The following SMARCC2 variants were observed in gnomAD, a reference collection of about 807,000 sequenced individuals.
SMARCC2 encodes the protein SWI/SNF complex subunit SMARCC2.
Under a neutral mutation model 151.3 loss-of-function variants are expected in SMARCC2, and 15 were observed. That is an observed-to-expected ratio of 0.10 (90% CI 0.07 to 0.15). The LOEUF (loss-of-function observed/expected upper bound fraction) is 0.15, where lower values mean the gene tolerates loss of function less well. Among genes scored for constraint, SMARCC2 ranks in the 10% least tolerant of loss-of-function variants. The pLI, the probability that SMARCC2 is intolerant of heterozygous loss-of-function variation, is 1.00. For missense variants in SMARCC2, 1,031 were observed against 1,599.7 expected (o/e 0.64, Z 6.06); for synonymous variants, 590 against 609.5 (o/e 0.97, Z 0.47).
In SMARCC2 at chr12:56,165,554, C is replaced by T. The variant is rs375680722; in HGVS notation, c.2996G>A (p.Gly999Asp). ...QQQPPPALPP[G>D]SQPIPPTGAA... is the part of the protein sequence containing the mutation. ...CCCTGTTGGGGGGATAGGCTGGGAG[C>T]CTGGGGGCAGGGCTGGTGGTGGCTG... The change falls in exon 27 of 29, where the codon GGC becomes GAC. Residue 999 changes from glycine (G) to aspartate (D), a missense_variant. By Grantham distance (94) the Gly-to-Asp change is moderately conservative. Transcript: ENST00000550164. 1 of 1,612,654 alleles carries T rather than the reference C, an allele frequency of 6.2e-7. No individual in the cohort carries two copies. The highest frequency in any genetic ancestry group is 8.5e-7 in the Non-Finnish European group (1 of 1,179,726).
rs552625436 is a variant in SMARCC2 at position 56,178,406 on chromosome 12, A to G, written c.1308T>C (p.Asn436=). The change falls in exon 14 of 29, where the codon AAT becomes AAC. Residue 436 remains asparagine, a splice_region_variant and synonymous_variant. Transcript: ENST00000550164. ...TGAGAAGTTGGGGACAACCATACCT[A>G]TTGTAGTCAAACCAGGCAGCGTAGC... ...IPSYAAWFDY[N]SVHAIERRAL... The G allele has an allele frequency of 2.0e-5, 32 of 1,614,244 alleles. No individual in the cohort carries two copies. In the South Asian group the frequency reaches 3.0e-4, roughly 15 times the overall value.
rs984393551 is a variant in SMARCC2 at position 56,172,758 on chromosome 12, G to T, written c.1744-54C>A. 1.9e-5 allele frequency: 30 copies of T among 1,608,194 alleles called. No homozygotes were observed. The African/African-American group carries it at 4.0e-4, about 22-fold the overall frequency. ...GTACAAGTGACCACCGGGAGCCAGG[G>T]GCTGACAGAGAGAAAAAACAGACAG... is the stretch of plus-strand genomic sequence containing the variant. On this transcript the variant is annotated intron_variant, in intron 18 of 28. Transcript: ENST00000550164.
chr12:56,184,591 C>T (rs189392930), intron 5 of SMARCC2: 11 of 549,750 alleles, frequency 2.0e-5, no homozygotes, highest in African/African-American at 1.7e-4. Context: ...ATCTCTAGCT[C>T]AGTAGAAGTG....
intron 25 of SMARCC2, among the ~76,000 whole-genome samples, chr12:56,169,231 G>A (rs1017152726): frequency 2.6e-5 from 4 of 152,126 alleles, no homozygotes; most frequent in African/African-American, 9.7e-5. Flanking sequence ...GGAGGTGGAG[G>A]CTGCAGTGAG....
In SMARCC2 at chr12:56,186,183, C is replaced by T. The variant is rs1419380996; in HGVS notation, c.289G>A (p.Ala97Thr). 6.2e-7 allele frequency: 1 copy of T among 1,612,286 alleles called. No homozygotes were observed. The highest frequency in any genetic ancestry group is 8.5e-7 in the Non-Finnish European group (1 of 1,178,304). ...CCCTGGTCACTCTTGAATTTGTAGG[C>T]AGCTGCAAGAATGTGGCACAAGGAG... ...GGSLCHILAAAYKFKSDQGWR... is the reference protein window; with the variant it reads ...GGSLCHILAATYKFKSDQGWR... The change falls in exon 3 of 29, where the codon GCC becomes ACC. Residue 97 changes from alanine (A) to threonine (T), a missense_variant. By Grantham distance (58) the Ala-to-Thr change is moderately conservative. Coordinates refer to ENST00000550164, the MANE Select transcript of SMARCC2 (RefSeq NM_001330288.2).
At position 56,178,552 on chromosome 12, in the gene SMARCC2, G is replaced by A. The variant is rs753926605; in HGVS notation, c.1180-18C>T. 1.2e-6 allele frequency: 2 copies of A among 1,614,162 alleles called. No homozygotes were observed. Among genetic ancestry groups the A allele is most frequent in the South Asian group, 1.1e-5 (1 of 91,084 alleles). On this transcript the variant is annotated intron_variant, in intron 13 of 28. Coordinates refer to ENST00000550164, the MANE Select transcript of SMARCC2 (RefSeq NM_001330288.2). ...TCCTCATCCTACGAGTATGGAGGCT[G>A]CTGGACACTCAGCATTCCTGCTTCC...
chr12:56,172,846 G>T, intron 18 of SMARCC2, 91 bp downstream of exon 18: 1 of 1,562,828 alleles, frequency 6.4e-7, no homozygotes, highest in Non-Finnish European at 8.8e-7. Context: ...TACTGCTGTA[G>T]TTCCTCTGCT....
intron 26 of SMARCC2, among the ~76,000 whole-genome samples, chr12:56,166,556 A>C (rs1355567461): frequency 6.7e-6 from 1 of 149,610 alleles, no homozygotes; most frequent in Non-Finnish European, 1.5e-5. Flanking sequence ...TTAAACCTTA[A>C]GTTCTCTGAG....
rs199867483 is a variant in SMARCC2 at position 56,169,779 on chromosome 12, T to C, written c.2545A>G (p.Ile849Val). 1.4e-4 allele frequency: 224 copies of C among 1,614,140 alleles called. No homozygotes were observed. In the Middle Eastern group the frequency reaches 2.3e-3, roughly 17 times the overall value. ...KESEKSDGDP[I>V]VDPEKEKEPK... ...CCTACCCTTGTGGGAGGCTCACCTA[T>C]TGGGTCTCCATCACTCTTCTCGGAC... The change falls in exon 24 of 29, where the codon ATA becomes GTA. Residue 849 changes from isoleucine (I) to valine (V), a missense_variant. This residue lies in a region of SMARCC2 where 119 missense variants were observed against 184.2 expected (regional missense o/e 0.65). Transcript: ENST00000550164.
In SMARCC2 at chr12:56,186,207, A is replaced by G. The variant is rs1163630012; in HGVS notation, c.265T>C (p.Ser89Pro). The G allele has an allele frequency of 1.2e-6, 2 of 1,613,148 alleles. No individual in the cohort carries two copies. Among genetic ancestry groups the G allele is most frequent in the South Asian group, 2.2e-5 (2 of 91,062 alleles). The change falls in exon 3 of 29, where the codon TCC becomes CCC. Residue 89 changes from serine to proline, a missense_variant. Ser to Pro is a moderately conservative substitution (Grantham distance 74). This residue lies in a region of SMARCC2 where 22 missense variants were observed against 23.4 expected (regional missense o/e 0.94). Transcript: ENST00000550164. ...KCFLDFKAGG[S>P]LCHILAAAYK... ...GCAGCTGCAAGAATGTGGCACAAGG[A>G]GCCTCCCGCTTTGAAATCTAGGAAA... is the stretch of plus-strand genomic sequence containing the variant.
chr12:56,181,691 C>A lies in SMARCC2; in HGVS notation c.840+13G>T. The A allele has an allele frequency of 6.2e-7, 1 of 1,614,168 alleles. No individual in the cohort carries two copies. The highest frequency in any genetic ancestry group is 2.2e-5 in the East Asian group (1 of 44,882). On this transcript the variant is annotated intron_variant, in intron 9 of 28. Transcript: ENST00000550164. ...GCTAAGGGCGCCAGGAAAAAAAGAA[C>A]AGGATTTGTCACCTCATCTGTCAGT... is the stretch of plus-strand genomic sequence containing the variant.
At chr12:56,185,948 A>G in intron 3 of SMARCC2, 1 of 564,626 alleles carries the variant, frequency 1.8e-6, no homozygotes, top group South Asian at 2.4e-5. Flanking sequence ...TTTCCTCTAC[A>G]AAACACACAG....
At position 56,182,060 on chromosome 12, in the gene SMARCC2, C is replaced by T. The variant is rs773464272; in HGVS notation, c.652G>A (p.Ala218Thr). ...TCCACAGATGCCTCAATTTCACTCG[C>T]TGGGATCCACGTGTCGTAACTGCCA... ...YPDSYDTWIP[A>T]SEIEASVEDA... The change falls in exon 8 of 29, where the codon GCG becomes ACG. Residue 218 changes from alanine (A) to threonine (T), a missense_variant. Coordinates refer to ENST00000550164, the MANE Select transcript of SMARCC2 (RefSeq NM_001330288.2). 6.2e-7 allele frequency: 1 copy of T among 1,613,048 alleles called. No individual in the cohort carries two copies. Among genetic ancestry groups the T allele is most frequent in the South Asian group, 1.1e-5 (1 of 90,932 alleles).
chr12:56,185,196 TG>T, intron 3 of SMARCC2, 85 bp from the exon 4 acceptor site: 2 of 1,063,468 alleles, frequency 1.9e-6, no homozygotes. Context: ...GTTTGTTTTT[TG>T]AGATGGAGTC....
chr12:56,189,231 T>C (rs1306052556), intron 1 of SMARCC2, 120 bp downstream of exon 1: 27 of 413,988 alleles, frequency 6.5e-5, no homozygotes, highest in Non-Finnish European at 9.0e-5. Flanking sequence ...GGGGGGCTGC[T>C]TGGGAGGCCG....
In SMARCC2 at chr12:56,173,752, G is replaced by A; in HGVS notation, c.1594C>T (p.His532Tyr). 1.9e-6 allele frequency: 3 copies of A among 1,614,004 alleles called. No individual in the cohort carries two copies. The highest frequency in any genetic ancestry group is 2.5e-6 in the Non-Finnish European group (3 of 1,179,938). Residue 532 changes from histidine to tyrosine, a missense_variant, in exon 17 of 29, where the codon CAT (histidine) becomes TAT (tyrosine). By Grantham distance (83) the His-to-Tyr change is moderately conservative. This residue lies in a region of SMARCC2 where 99 missense variants were observed against 148.3 expected (regional missense o/e 0.67). Transcript: ENST00000550164. ...CCTGATGGTGTGTCAGCCAAGACAT[G>A]GAAGTGAGAGGTAGGCGGAGGCCCC... ...PMGPPPTSHF[H>Y]VLADTPSGLV...
rs923727026 is a variant in SMARCC2 at position 56,182,164 on chromosome 12, T to G, written c.633-85A>C. 3 of 906,610 alleles carry G rather than the reference T, an allele frequency of 3.3e-6. No individual in the cohort carries two copies. In the South Asian group the frequency reaches 4.8e-5, roughly 15 times the overall value. 56.2% of individuals were successfully genotyped at this position (906,610 alleles called of 1,614,324 possible). ...GTGCAGATCTTTTACCCTTTCCATT[T>G]ACAGAAAGTATTGGGTTCTTGGCTT... On this transcript the variant is annotated intron_variant, in intron 7 of 28. Transcript: ENST00000550164.
At chr12:56,182,185 G>T in intron 7 of SMARCC2, 106 bp from the exon 8 acceptor site, 1 of 716,926 alleles carries the variant, frequency 1.4e-6, no homozygotes. Context: ...TTGGGTTCTT[G>T]GCTTATTTTT....
In SMARCC2 at chr12:56,181,830, A is replaced by G. The variant is rs754798719; in HGVS notation, c.714T>C (p.His238=). 8.1e-6 allele frequency: 13 copies of G among 1,614,176 alleles called. No individual in the cohort carries two copies. The highest frequency in any genetic ancestry group is 3.3e-5 in the Admixed American group (2 of 60,016). The stretch of plus-strand genomic sequence containing the variant: ...TGTCGGTGTCCAGGATCCACTTTGC[A>G]TGAACCTAAAGTACAAAGGCAGATC... ...APTPEKPRKV[H]AKWILDTDTF... The change falls in exon 9 of 29, where the codon CAT becomes CAC. Residue 238 remains histidine, a synonymous_variant. Transcript: ENST00000550164.
Sources: allele counts gnomAD v4.1 joint callset (sites outside exome capture counted in the v4.1 genomes callset), GRCh38; gene constraint gnomAD v4.1.1; regional missense constraint gnomAD v4.1.1; transcripts MANE v1.5; gene names NCBI Gene and HGNC (gene_info 2026-07-23, HGNC 2026-07-21).